Variants in CDH23 observed in about 807,000 individuals in gnomAD.
The protein encoded by CDH23 is cadherin-23.
A neutral mutation model predicts 317.1 loss-of-function variants in CDH23; 189 were observed. That is an observed-to-expected ratio of 0.60 (90% CI 0.53 to 0.67). The LOEUF (loss-of-function observed/expected upper bound fraction) is 0.67. Among genes scored for constraint, CDH23 ranks in the 30% least tolerant of loss-of-function variants. The pLI is 0.00. For synonymous variants in CDH23, 1,839 were observed against 1,876.8 expected (o/e 0.98, Z 0.52); for missense variants, 4,401 against 4,592.4 (o/e 0.96, Z 1.20).
Position 71,664,518 on chromosome 10 carries a change from G to A in CDH23, c.1450-10594G>A, listed in dbSNP as rs560071890. 3.6e-4 allele frequency among the ~76,000 whole-genome samples: 55 copies of A among 152,296 alleles called. No homozygotes were observed. The South Asian group carries it at 7.1e-3, about 20-fold the overall frequency. On this transcript the variant is annotated intron_variant, in intron 14 of 69. Transcript: ENST00000224721. ...CGGACCCGCTGCTGGCACAGGACAG[G>A]CAGGTGGGAGGGCTGGCCTGGGAGG...
At chr10:71,558,372 A>T (rs1320625086) in intron 6 of CDH23, among the ~76,000 whole-genome samples, 2 of 151,644 alleles carry the variant, frequency 1.3e-5, no homozygotes, top group Non-Finnish European at 2.9e-5. Context: ...TAATTTTCTT[A>T]CTTTTCTCTC....
intron 30 of CDH23, among the ~76,000 whole-genome samples, chr10:71,727,809 G>A (rs1206540251): frequency 6.6e-6 from 1 of 152,340 alleles, no homozygotes; most frequent in Non-Finnish European, 1.5e-5. Context: ...CAGAAAGCAG[G>A]TCTGGTTCTC....
intron 3 of CDH23, among the ~76,000 whole-genome samples, chr10:71,477,568 G>C (rs1044647142): frequency 6.6e-6 from 1 of 151,994 alleles, no homozygotes; most frequent in African/African-American, 2.4e-5. Context: ...TCATGGCTTC[G>C]GCTGCCATGT....
At chr10:71,521,177 G>A (rs372574210) in intron 6 of CDH23, among the ~76,000 whole-genome samples, 15 of 150,834 alleles carry the variant, frequency 9.9e-5, no homozygotes, top group Middle Eastern at 6.8e-3. Flanking sequence ...CAATGTAATC[G>A]TCCCCACTCA....
At chr10:71,671,338 A>G (rs771312517) in intron 14 of CDH23, among the ~76,000 whole-genome samples, 11 of 152,156 alleles carry the variant, frequency 7.2e-5, no homozygotes, top group Non-Finnish European at 5.9e-5. Flanking sequence ...CCCTGTCACC[A>G]TCTGGCTGGC....
chr10:71,431,975 C>CT (rs1467526228), intron 1 of CDH23, among the ~76,000 whole-genome samples: 2 of 152,220 alleles, frequency 1.3e-5, no homozygotes, highest in Admixed American at 6.5e-5. Flanking sequence ...CCTTTCCAGT[C>CT]TAGGACACCA....
intron 6 of CDH23, among the ~76,000 whole-genome samples, chr10:71,515,790 T>C (rs1183021196): frequency 6.6e-6 from 1 of 152,252 alleles, no homozygotes; most frequent in Non-Finnish European, 1.5e-5. Flanking sequence ...GTGTATTCAG[T>C]AAAATGCTGG....
chr10:71,782,376 G>T (rs1220207213), intron 41 of CDH23, among the ~76,000 whole-genome samples: 1 of 152,246 alleles, frequency 6.6e-6, no homozygotes, highest in Non-Finnish European at 1.5e-5. Flanking sequence ...TCCAGCATCA[G>T]CACAACCCCA....
chr10:71,541,754 T>C lies in CDH23; in HGVS notation c.430-24988T>C, dbSNP rs75551357. On this transcript the variant is annotated intron_variant, in intron 6 of 69. Coordinates refer to ENST00000224721, the MANE Select transcript of CDH23 (RefSeq NM_022124.6). Reference sequence around the variant, plus strand: ...AAGGCTTTGCAGGCCATATGGACTCTGTTGCAACCACTCACCTTTCTTGTG... The same window carrying C: ...AAGGCTTTGCAGGCCATATGGACTCCGTTGCAACCACTCACCTTTCTTGTG... 4.9e-3 allele frequency among the ~76,000 whole-genome samples: 749 copies of C among 152,336 alleles called. 3 individuals are homozygous for C. The highest frequency in any genetic ancestry group is 8.7e-3 in the South Asian group (42 of 4,832).
At chr10:71,714,610 T>C (rs895436535) in intron 28 of CDH23, 2 of 152,244 alleles carry the variant, frequency 1.3e-5, no homozygotes, top group Non-Finnish European at 2.9e-5. Flanking sequence ...TGGATCAAGA[T>C]GAGGCTAGAA....
intron 47 of CDH23, 149 bp from the exon 48 acceptor site, chr10:71,793,033 A>T: frequency 1.8e-6 from 1 of 552,426 alleles, no homozygotes; most frequent in Non-Finnish European, 3.2e-6. Flanking sequence ...TTTTCCTATA[A>T]AATTGCAAGT....
intron 19 of CDH23, among the ~76,000 whole-genome samples, chr10:71,688,647 A>G (rs866226610): frequency 7.7e-3 from 291 of 38,010 alleles, no homozygotes; most frequent in Admixed American, 0.011. Flanking sequence ...GGAGTCAGGG[A>G]TGATGGAGCC....
At chr10:71,807,178 C>T in intron 57 of CDH23, 99 bp from the exon 58 acceptor site, 2 of 1,463,328 alleles carry the variant, frequency 1.4e-6, no homozygotes, top group Non-Finnish European at 1.9e-6. Flanking sequence ...AGTAAACTCC[C>T]TCAGCACCTA....
Position 71,751,916 on chromosome 10 carries a change from C to T in CDH23, c.4845+9995C>T. On this transcript the variant is annotated intron_variant, in intron 38 of 69. Transcript: ENST00000224721. This position sits in a 1 kb window ranked among gnomAD's most constrained non-coding sequence, Gnocchi z 4.9. ...TGTGCTGTCCGGAGCGTGAACTCTG[C>T]CCTCCCTGCCCCCAGTTTTTCTCTC... The T allele has an allele frequency of 6.7e-7, 1 of 1,493,192 alleles. No homozygotes were observed. Among genetic ancestry groups the T allele is most frequent in the Non-Finnish European group, 9.1e-7 (1 of 1,102,408 alleles). 92.5% of individuals were successfully genotyped at this position (1,493,192 alleles called of 1,614,324 possible).
At chr10:71,773,383 G>T (rs1447953206) in intron 38 of CDH23, 1 of 1,610,306 alleles carries the variant, frequency 6.2e-7, no homozygotes, top group Non-Finnish European at 8.5e-7. Flanking sequence ...GGAAGAGAGC[G>T]AAGAGCAGGG....
At chr10:71,782,109 A>T (rs1394816672) in intron 41 of CDH23, among the ~76,000 whole-genome samples, 1 of 152,218 alleles carries the variant, frequency 6.6e-6, no homozygotes, top group Non-Finnish European at 1.5e-5. Flanking sequence ...AGGGAGACAG[A>T]TGCCAGATTT....
chr10:71,778,481 G>A (rs149197766), intron 40 of CDH23, among the ~76,000 whole-genome samples, 173 bp downstream of exon 40: 54 of 152,258 alleles, frequency 3.5e-4, no homozygotes, highest in Non-Finnish European at 6.5e-4. Context: ...TGACTTTAAC[G>A]AGGTCACTGA....
At chr10:71,646,657 G>C in intron 14 of CDH23, 40 bp downstream of exon 14, 1 of 1,614,026 alleles carries the variant, frequency 6.2e-7, no homozygotes, top group Non-Finnish European at 8.5e-7. Flanking sequence ...GAGCTCTCCA[G>C]GGCCGACTGT....
In CDH23 at chr10:71,446,404, G is replaced by A. The variant is rs534252168; in HGVS notation, c.145+9G>A. On this transcript the variant is annotated intron_variant, in intron 3 of 69. Coordinates refer to ENST00000224721, the MANE Select transcript of CDH23 (RefSeq NM_022124.6). ...CGAGGACACGCCTGTGGGTGAGTGGGGGCATGGGCTGGTGGGCGTGCAGAT... is the reference window on the plus strand; with the variant it reads ...CGAGGACACGCCTGTGGGTGAGTGGAGGCATGGGCTGGTGGGCGTGCAGAT... 8.1e-6 allele frequency: 13 copies of A among 1,613,752 alleles called. No individual in the cohort carries two copies. The African/African-American group carries it at 1.2e-4, about 15-fold the overall frequency.
Sources: allele counts gnomAD v4.1 joint callset (sites outside exome capture counted in the v4.1 genomes callset), GRCh38; gene constraint gnomAD v4.1.1; non-coding constraint Gnocchi (gnomAD v3.1); transcripts MANE v1.5; gene names NCBI Gene and HGNC (gene_info 2026-07-23, HGNC 2026-07-21).